PCSK5: variants seen among roughly 807,000 people sequenced by gnomAD.
PCSK5 encodes proprotein convertase subtilisin/kexin type 5.
PCSK5 carries 129 observed loss-of-function variants against 233.2 expected under a neutral mutation model. The observed-to-expected ratio is 0.55, with a 90% CI of 0.48 to 0.64. PCSK5 has a LOEUF of 0.64. Among genes scored for constraint, PCSK5 ranks in the 30% least tolerant of loss-of-function variants. The pLI is 0.00. For missense variants in PCSK5, 2,076 were observed against 2,430.1 expected (o/e 0.85, Z 3.06); for synonymous variants, 825 against 879.2 (o/e 0.94, Z 1.09).
At chr9:76,064,319 G>A (rs1333263181) in intron 5 of PCSK5, among the ~76,000 whole-genome samples, 2 of 89,630 alleles carry the variant, frequency 2.2e-5, no homozygotes, top group Non-Finnish European at 4.3e-5. Flanking sequence ...GGGCAGAGGC[G>A]CCCCTCACCT....
chr9:75,996,495 T>A (rs1230321428), intron 3 of PCSK5, among the ~76,000 whole-genome samples: 3 of 152,198 alleles, frequency 2.0e-5, no homozygotes, highest in African/African-American at 4.8e-5. Context: ...ATAATTATGA[T>A]AACTGCGATT....
chr9:76,330,439 G>A (rs1357745630), intron 33 of PCSK5, among the ~76,000 whole-genome samples: 1 of 152,046 alleles, frequency 6.6e-6, no homozygotes, highest in Non-Finnish European at 1.5e-5. Flanking sequence ...CCTGAGAAGC[G>A]TGAAACTCCA....
chr9:76,131,982 A>T (rs1456247523), intron 9 of PCSK5, among the ~76,000 whole-genome samples: 1 of 152,100 alleles, frequency 6.6e-6, no homozygotes, highest in East Asian at 1.9e-4. Flanking sequence ...AAAAACATTC[A>T]TGTTCATTTG....
In PCSK5 at chr9:76,266,878, C is replaced by T. The variant is rs141605926; in HGVS notation, c.3143-25355C>T. Among the ~76,000 whole-genome samples the T allele has an allele frequency of 2.5e-3, 376 of 147,894 alleles. 2 individuals are homozygous for T. Among genetic ancestry groups the T allele is most frequent in the African/African-American group, 8.4e-3 (335 of 39,922 alleles). On this transcript the variant is annotated intron_variant, in intron 24 of 37. Transcript: ENST00000674117. The stretch of plus-strand genomic sequence containing the variant: ...CTGGTAGATGCTCTTTCATTGAGAC[C>T]CTTTGGACTAACAACACAGCCCATC...
intron 2 of PCSK5, among the ~76,000 whole-genome samples, chr9:75,937,034 A>G (rs991559468): frequency 6.6e-6 from 1 of 152,150 alleles, no homozygotes; most frequent in African/African-American, 2.4e-5. Context: ...AGTGATCAGT[A>G]ATAGTTTGAA....
chr9:76,150,718 T>A (rs1237749619), intron 10 of PCSK5, among the ~76,000 whole-genome samples: 1 of 152,138 alleles, frequency 6.6e-6, no homozygotes, highest in Non-Finnish European at 1.5e-5. Flanking sequence ...GAGTCTGCAT[T>A]TTTGCACTGA....
intron 2 of PCSK5, among the ~76,000 whole-genome samples, chr9:75,964,716 G>A (rs573608256): frequency 8.9e-4 from 135 of 152,300 alleles, no homozygotes; most frequent in Admixed American, 1.8e-3. Flanking sequence ...TTTGATGAAT[G>A]CCTTTGTTAA....
chr9:76,246,382 C>T (rs755812867), intron 24 of PCSK5, among the ~76,000 whole-genome samples: 138 of 147,904 alleles, frequency 9.3e-4, no homozygotes, highest in Non-Finnish European at 1.8e-3. Flanking sequence ...CGTGAGATAC[C>T]ATTTCTAATT....
At chr9:75,919,314 G>T (rs1228745679) in intron 1 of PCSK5, among the ~76,000 whole-genome samples, 1 of 152,172 alleles carries the variant, frequency 6.6e-6, no homozygotes, top group East Asian at 1.9e-4. Flanking sequence ...TTATTGATGA[G>T]CAGTATGACA....
intron 2 of PCSK5, among the ~76,000 whole-genome samples, chr9:75,954,390 AG>A (rs1825003341): frequency 6.6e-6 from 1 of 152,156 alleles, no homozygotes; most frequent in African/African-American, 2.4e-5. Flanking sequence ...CCTGGGTGGG[AG>A]GGAAAGCATA....
At chr9:75,983,685 C>T (rs1826374780) in intron 2 of PCSK5, among the ~76,000 whole-genome samples, 1 of 152,310 alleles carries the variant, frequency 6.6e-6, no homozygotes, top group African/African-American at 2.4e-5. Flanking sequence ...AGGCAAAGCA[C>T]ACAATAATTC....
At chr9:76,201,805 T>C (rs1023330346) in intron 20 of PCSK5, among the ~76,000 whole-genome samples, 5 of 152,236 alleles carry the variant, frequency 3.3e-5, no homozygotes, top group East Asian at 1.9e-4. Flanking sequence ...CTTCCTTTCA[T>C]AATTTCTTTG....
intron 9 of PCSK5, among the ~76,000 whole-genome samples, chr9:76,132,896 T>C (rs891459193): frequency 1.3e-5 from 2 of 151,944 alleles, no homozygotes; most frequent in Non-Finnish European, 2.9e-5. Context: ...AAAACATAGA[T>C]GTGGTGAGTA....
Position 76,355,147 on chromosome 9 carries a change from A to G in PCSK5, c.5254+928A>G, listed in dbSNP as rs11144852. ...CTTGGTTCTCATTGGTCACAAACTT[A>G]GAAAGATCTCAAACTGACTGATTCC... On this transcript the variant is annotated intron_variant, in intron 37 of 37. Coordinates refer to ENST00000674117, the MANE Select transcript of PCSK5 (RefSeq NM_001372043.1). Among the ~76,000 whole-genome samples, 5 of 152,308 alleles carry G rather than the reference A, an allele frequency of 3.3e-5. No homozygotes were observed. The East Asian group carries it at 9.6e-4, about 29-fold the overall frequency.
chr9:76,347,451 G>A (rs533641479), intron 35 of PCSK5, among the ~76,000 whole-genome samples: 3 of 152,240 alleles, frequency 2.0e-5, no homozygotes, highest in Admixed American at 6.5e-5. Context: ...AAGATTCTGG[G>A]TACCCTAAGT....
intron 12 of PCSK5, among the ~76,000 whole-genome samples, chr9:76,167,415 T>C (rs896571588): frequency 3.3e-5 from 5 of 152,228 alleles, no homozygotes; most frequent in African/African-American, 1.2e-4. Flanking sequence ...CCCAAATTTT[T>C]TGACCATGGG....
In PCSK5 at chr9:76,169,111, G is replaced by A. The variant is rs1166888344; in HGVS notation, c.1620-593G>A. Among the ~76,000 whole-genome samples, 4 of 152,306 alleles carry A rather than the reference G, an allele frequency of 2.6e-5. No homozygotes were observed. The South Asian group carries it at 6.2e-4, about 24-fold the overall frequency. On this transcript the variant is annotated intron_variant, in intron 12 of 37. Transcript: ENST00000674117. ...ATCTGTGATTGAATTCACACATGCA[G>A]AATCCACAGATACAGAGGGCCGACT...
chr9:76,115,869 T>C (rs1832403102), intron 9 of PCSK5, among the ~76,000 whole-genome samples: 1 of 152,156 alleles, frequency 6.6e-6, no homozygotes, highest in African/African-American at 2.4e-5. Context: ...TTTCTTGGGC[T>C]GAGTTTTGAA....
At chr9:76,140,349 C>T (rs1823159699) in intron 10 of PCSK5, among the ~76,000 whole-genome samples, 1 of 151,940 alleles carries the variant, frequency 6.6e-6, no homozygotes, top group Non-Finnish European at 1.5e-5. Flanking sequence ...TTTGAGGAAG[C>T]CAATTAGAGT....
Sources: gnomAD v4.1 joint callset for allele counts (sites outside exome capture counted in the v4.1 genomes callset) on GRCh38, gnomAD v4.1.1 for gene constraint, MANE v1.5 for transcripts, NCBI Gene and HGNC (gene_info 2026-07-23, HGNC 2026-07-21) for gene names.